The following SDK1 variants were observed in gnomAD, a reference collection of about 807,000 sequenced individuals.
The protein encoded by SDK1 is protein sidekick-1.
Under a neutral mutation model 245.5 loss-of-function variants are expected in SDK1, and 157 were observed. The observed-to-expected ratio is 0.64, with a 90% confidence interval of 0.56 to 0.73. The LOEUF (loss-of-function observed/expected upper bound fraction) is 0.73. SDK1 is among the 30% of genes least tolerant of loss of function. SDK1 has a pLI of 0.00. For missense variants in SDK1, 3,583 were observed against 3,002.3 expected (o/e 1.19, Z -4.52); for synonymous variants, 1,647 against 1,278.5 (o/e 1.29, Z -6.15).
intron 5 of SDK1, among the ~76,000 whole-genome samples, chr7:3,893,387 A>G (rs1781511139): frequency 6.6e-6 from 1 of 152,132 alleles, no homozygotes; most frequent in African/African-American, 2.4e-5. Context: ...GCTTATCTGT[A>G]AATGAGCTAC....
At chr7:4,130,244 C>A in intron 27 of SDK1, 147 bp downstream of exon 27, 1 of 910,464 alleles carries the variant, frequency 1.1e-6, no homozygotes, top group South Asian at 1.8e-5. Flanking sequence ...AATTGTTTTT[C>A]AGTCACTGAG....
chr7:4,242,130 C>A (rs193159875), intron 43 of SDK1, among the ~76,000 whole-genome samples: 3 of 152,256 alleles, frequency 2.0e-5, no homozygotes, highest in Non-Finnish European at 2.9e-5. Context: ...CAGGACATCT[C>A]CGGAGATTTA....
chr7:4,071,176 C>T (rs1343232023), intron 20 of SDK1, among the ~76,000 whole-genome samples: 2 of 152,004 alleles, frequency 1.3e-5, no homozygotes, highest in African/African-American at 4.8e-5. Flanking sequence ...AGGTGTGCGC[C>T]ACCACACCCA....
chr7:4,215,361 C>T (rs1784736215), intron 38 of SDK1, among the ~76,000 whole-genome samples: 2 of 152,230 alleles, frequency 1.3e-5, no homozygotes, highest in African/African-American at 2.4e-5. Context: ...CCCCCTACAC[C>T]GACTCTGCGC....
At chr7:3,637,210 G>T (rs114636204) in intron 2 of SDK1, among the ~76,000 whole-genome samples, 3,606 of 152,176 alleles carry the variant, frequency 0.024, 152 homozygotes, top group African/African-American at 0.082. Context: ...TGATTCTCCT[G>T]TTTCAGCCCC....
chr7:3,986,029 G>A (rs1334158606), intron 13 of SDK1, among the ~76,000 whole-genome samples: 2 of 152,012 alleles, frequency 1.3e-5, no homozygotes, highest in Non-Finnish European at 2.9e-5. Context: ...TTATGGAGGG[G>A]CAGCCATCCA....
chr7:3,493,399 A>C (rs574699736), intron 1 of SDK1, among the ~76,000 whole-genome samples: 2 of 152,190 alleles, frequency 1.3e-5, no homozygotes, highest in African/African-American at 2.4e-5. Context: ...TACTGTATTC[A>C]TCAGATTTTA....
At chr7:3,579,553 C>G (rs1039089077) in intron 1 of SDK1, among the ~76,000 whole-genome samples, 7 of 152,058 alleles carry the variant, frequency 4.6e-5, no homozygotes, top group Non-Finnish European at 4.4e-5. Context: ...TATGACAAAC[C>G]CATAGCCAAC....
chr7:3,798,207 C>T (rs1250692300), intron 4 of SDK1, among the ~76,000 whole-genome samples: 1 of 131,714 alleles, frequency 7.6e-6, no homozygotes, highest in Non-Finnish European at 1.6e-5. Context: ...ATGACCTTGG[C>T]ACTCTTTTTT....
intron 44 of SDK1, among the ~76,000 whole-genome samples, chr7:4,259,628 T>C (rs1246180602): frequency 6.6e-6 from 1 of 152,184 alleles, no homozygotes; most frequent in Non-Finnish European, 1.5e-5. Flanking sequence ...TGTAGCAGAA[T>C]ATGAGAATAT....
At chr7:3,948,324 C>G (rs1378836057) in intron 5 of SDK1, among the ~76,000 whole-genome samples, 2 of 138,040 alleles carry the variant, frequency 1.4e-5, no homozygotes, top group African/African-American at 2.8e-5. Context: ...GTGATGCCAT[C>G]TCGGCTCACT....
intron 4 of SDK1, among the ~76,000 whole-genome samples, chr7:3,774,131 C>T (rs768721156): frequency 3.3e-5 from 5 of 149,382 alleles, no homozygotes; most frequent in South Asian, 2.1e-4. Context: ...AGGAGAATGG[C>T]GTGAACCCAG....
At chr7:3,873,206 T>C (rs371354438) in intron 5 of SDK1, among the ~76,000 whole-genome samples, 44 of 152,286 alleles carry the variant, frequency 2.9e-4, no homozygotes, top group African/African-American at 9.1e-4. Flanking sequence ...AGGATATTTT[T>C]ACTGGGTGTA....
intron 1 of SDK1, among the ~76,000 whole-genome samples, chr7:3,607,982 G>A (rs1456233443): frequency 6.6e-6 from 1 of 152,224 alleles, no homozygotes; most frequent in Non-Finnish European, 1.5e-5. Context: ...CATTTCATCA[G>A]AATAGACCTT....
chr7:3,423,803 T>G (rs556016621), intron 1 of SDK1, among the ~76,000 whole-genome samples: 1 of 152,270 alleles, frequency 6.6e-6, no homozygotes, highest in Admixed American at 6.5e-5. Flanking sequence ...CCTTGTAAAA[T>G]TTTTCTAACG....
At chr7:3,764,925 AT>A (rs1213871087) in intron 4 of SDK1, among the ~76,000 whole-genome samples, 1 of 152,098 alleles carries the variant, frequency 6.6e-6, no homozygotes, top group Admixed American at 6.5e-5. Flanking sequence ...GGAAAGTATT[AT>A]TTTTCATAAA....
At chr7:4,230,977 G>C (rs567263039) in intron 40 of SDK1, among the ~76,000 whole-genome samples, 3 of 152,150 alleles carry the variant, frequency 2.0e-5, no homozygotes, top group Admixed American at 2.0e-4. Flanking sequence ...AGAGTAGACC[G>C]CATTTGTGGA....
At chr7:4,227,483 C>T (rs762790739) in intron 40 of SDK1, 1 of 467,904 alleles carries the variant, frequency 2.1e-6, no homozygotes, top group Non-Finnish European at 4.4e-6. Flanking sequence ...CCACCAGCTT[C>T]AGTAAAATTT....
chr7:3,873,677 C>G (rs927489032), intron 5 of SDK1, among the ~76,000 whole-genome samples: 1 of 152,020 alleles, frequency 6.6e-6, no homozygotes, highest in Non-Finnish European at 1.5e-5. Context: ...TGATTAATTC[C>G]TATTGACCCA....
Sources: allele counts gnomAD v4.1 joint callset (sites outside exome capture counted in the v4.1 genomes callset), GRCh38; gene constraint gnomAD v4.1.1; transcripts MANE v1.5; gene names NCBI Gene and HGNC (gene_info 2026-07-23, HGNC 2026-07-21).